The following LRP1B variants were observed in gnomAD, a reference collection of about 807,000 sequenced individuals.
LRP1B encodes low-density lipoprotein receptor-related protein 1B.
LRP1B carries 217 observed loss-of-function variants against 556.6 expected under a neutral mutation model. The observed-to-expected ratio is 0.39, with a 90% CI of 0.35 to 0.44. LRP1B has a LOEUF of 0.44. LRP1B is among the 20% of genes least tolerant of loss of function. The pLI, the probability that LRP1B is intolerant of heterozygous loss-of-function variation, is 1.00. For missense variants in LRP1B, 5,053 were observed against 5,620.8 expected, an observed-to-expected ratio of 0.90 and a Z score of 3.23; for synonymous variants, 2,047 against 1,865.8, an observed-to-expected ratio of 1.10 and a Z score of -2.50.
At chr2:140,492,773 A>G (rs886744489) in intron 56 of LRP1B, 80 bp from the exon 57 acceptor site, 29 of 1,015,858 alleles carry the variant, frequency 2.9e-5, no homozygotes, top group Admixed American at 2.5e-4. Flanking sequence ...TTAGTTTAGC[A>G]GCAATGTGAT....
At chr2:140,627,373 A>G (rs1173723397) in intron 41 of LRP1B, among the ~76,000 whole-genome samples, 1 of 152,154 alleles carries the variant, frequency 6.6e-6, no homozygotes, top group Non-Finnish European at 1.5e-5. Flanking sequence ...CAGAAGGACT[A>G]GATTAGCAGA....
At chr2:141,367,952 G>A (rs1181781140) in intron 3 of LRP1B, among the ~76,000 whole-genome samples, 1 of 152,098 alleles carries the variant, frequency 6.6e-6, no homozygotes, top group Non-Finnish European at 1.5e-5. Context: ...GAAAAATTTT[G>A]TGCCAACACA....
chr2:140,805,537 A>G (rs1432327645), intron 32 of LRP1B, among the ~76,000 whole-genome samples: 1 of 152,248 alleles, frequency 6.6e-6, no homozygotes, highest in African/African-American at 2.4e-5. Context: ...AAGTTGAAAT[A>G]CTTTTGCCTA....
intron 3 of LRP1B, among the ~76,000 whole-genome samples, chr2:141,419,978 T>C (rs1680077545): frequency 6.6e-6 from 1 of 152,172 alleles, no homozygotes; most frequent in Non-Finnish European, 1.5e-5. Flanking sequence ...GAAAAGTGTG[T>C]ATTCTGCTGC....
intron 2 of LRP1B, among the ~76,000 whole-genome samples, chr2:141,501,906 A>C (rs1683726497): frequency 1.5e-5 from 1 of 67,246 alleles, no homozygotes; most frequent in Admixed American, 2.1e-4. Context: ...TGACTGAAAC[A>C]ACTATGGCTT....
chr2:141,772,994 C>T (rs756684478), intron 2 of LRP1B, among the ~76,000 whole-genome samples: 3 of 152,172 alleles, frequency 2.0e-5, no homozygotes, highest in Non-Finnish European at 4.4e-5. Context: ...CCTTGAAAAG[C>T]AGCTATTGAT....
At chr2:141,645,465 A>T (rs1331076386) in intron 2 of LRP1B, among the ~76,000 whole-genome samples, 3 of 139,968 alleles carry the variant, frequency 2.1e-5, no homozygotes, top group Non-Finnish European at 3.1e-5. Context: ...CAAAGAAGAC[A>T]AGGCTTTTTT....
intron 15 of LRP1B, among the ~76,000 whole-genome samples, chr2:140,999,806 G>A (rs1399953097): frequency 2.0e-5 from 3 of 152,056 alleles, no homozygotes; most frequent in East Asian, 3.9e-4. Context: ...GAGTAAGGAT[G>A]AAAGGTTGGA....
intron 1 of LRP1B, among the ~76,000 whole-genome samples, chr2:141,856,237 C>T (rs1332188587): frequency 6.6e-6 from 1 of 152,084 alleles, no homozygotes; most frequent in Admixed American, 6.6e-5. Context: ...CAAAAATCTT[C>T]CGTTTATATA....
chr2:141,597,675 G>A (rs1225097065), intron 2 of LRP1B, among the ~76,000 whole-genome samples: 3 of 151,932 alleles, frequency 2.0e-5, no homozygotes, highest in Non-Finnish European at 4.4e-5. Context: ...TTTCTTTCTG[G>A]ATCCTTTATT....
At chr2:140,255,504 G>A (rs905586007) in intron 86 of LRP1B, among the ~76,000 whole-genome samples, 4 of 152,068 alleles carry the variant, frequency 2.6e-5, no homozygotes, top group South Asian at 2.1e-4. Context: ...AATATCTAAA[G>A]GCACCTTTGC....
intron 49 of LRP1B, among the ~76,000 whole-genome samples, chr2:140,525,453 A>C (rs1229608264): frequency 6.6e-6 from 1 of 151,934 alleles, no homozygotes; most frequent in Non-Finnish European, 1.5e-5. Flanking sequence ...CTGCATTAAA[A>C]CATTGCTGTA....
intron 35 of LRP1B, among the ~76,000 whole-genome samples, chr2:140,730,930 G>A (rs924677627): frequency 2.7e-4 from 41 of 152,086 alleles, no homozygotes; most frequent in South Asian, 2.1e-4. Flanking sequence ...GACCATAAGC[G>A]CTTTTCTGGT....
At chr2:141,743,486 CTTTTTTTTTTTTTTCT>C (rs760863724) in intron 2 of LRP1B, among the ~76,000 whole-genome samples, 10 of 108,040 alleles carry the variant, frequency 9.3e-5, no homozygotes, top group East Asian at 2.8e-4. Context: ...CTGCTTTTTT[CTTTTTTTTTTTTTTCT>C]TTTTTTTTTT....
At chr2:141,752,533 A>AG (rs1186486229) in intron 2 of LRP1B, among the ~76,000 whole-genome samples, 3 of 152,074 alleles carry the variant, frequency 2.0e-5, no homozygotes, top group African/African-American at 7.2e-5. Context: ...TGGTCTGCTT[A>AG]GGGCTCTGCC....
At chr2:141,006,680 A>G (rs183300928) in intron 14 of LRP1B, among the ~76,000 whole-genome samples, 2 of 152,112 alleles carry the variant, frequency 1.3e-5, no homozygotes, top group East Asian at 3.9e-4. Flanking sequence ...ATCCTCTTTA[A>G]AACATGTTTA....
intron 21 of LRP1B, among the ~76,000 whole-genome samples, chr2:140,917,837 CAT>C (rs1272751027): frequency 6.6e-6 from 1 of 151,970 alleles, no homozygotes; most frequent in Non-Finnish European, 1.5e-5. Flanking sequence ...TCATGTAAAC[CAT>C]AGACTTTGGA....
chr2:141,713,600 G>C (rs1452288074), intron 2 of LRP1B, among the ~76,000 whole-genome samples: 1 of 152,068 alleles, frequency 6.6e-6, no homozygotes, highest in East Asian at 1.9e-4. Flanking sequence ...GCACTTATTA[G>C]TTAAAATGAA....
At chr2:140,960,095 T>G (rs1019221295) in intron 18 of LRP1B, among the ~76,000 whole-genome samples, 2 of 151,730 alleles carry the variant, frequency 1.3e-5, no homozygotes, top group Admixed American at 1.3e-4. Flanking sequence ...ACCTTGAGAT[T>G]CCTTGTTCCT....
Sources: gnomAD v4.1 joint callset for allele counts (sites outside exome capture counted in the v4.1 genomes callset) on GRCh38, gnomAD v4.1.1 for gene constraint, MANE v1.5 for transcripts, NCBI Gene and HGNC (gene_info 2026-07-23, HGNC 2026-07-21) for gene names.